Variants in SCN11A observed in about 807,000 individuals in gnomAD.
The protein encoded by SCN11A is sodium channel protein type 11 subunit alpha.
SCN11A carries 122 observed loss-of-function variants against 162.2 expected under a neutral mutation model. That is an observed-to-expected ratio of 0.75 (90% confidence interval 0.65 to 0.87). The LOEUF (loss-of-function observed/expected upper bound fraction) is 0.87, where lower values mean the gene tolerates loss of function less well. Among genes scored for constraint, SCN11A ranks in the 40% least tolerant of loss-of-function variants. SCN11A has a pLI of 0.00. For synonymous variants in SCN11A, 758 were observed against 751.5 expected (o/e 1.01, Z -0.14); for missense variants, 2,015 against 2,181.6 (o/e 0.92, Z 1.52).
At chr3:39,018,544 C>T (rs1016200527) in intron 2 of SCN11A, among the ~76,000 whole-genome samples, 4 of 152,062 alleles carry the variant, frequency 2.6e-5, no homozygotes, top group African/African-American at 7.2e-5. Flanking sequence ...TTGGGCCAGG[C>T]GCGGTGGCTC....
chr3:39,012,281 C>T (rs1421667462), intron 2 of SCN11A, among the ~76,000 whole-genome samples: 6 of 151,890 alleles, frequency 4.0e-5, no homozygotes, highest in South Asian at 2.1e-4. Flanking sequence ...GTCGAGATTA[C>T]GCCATTGCAC....
At chr3:38,881,895 T>A (rs573885069) in intron 22 of SCN11A, among the ~76,000 whole-genome samples, 2 of 152,288 alleles carry the variant, frequency 1.3e-5, no homozygotes, top group South Asian at 4.1e-4. Context: ...TTTCTGATCA[T>A]ACATTTTCTT....
intron 7 of SCN11A, among the ~76,000 whole-genome samples, chr3:38,927,692 C>T (rs1347376912): frequency 6.6e-6 from 1 of 152,142 alleles, no homozygotes; most frequent in East Asian, 1.9e-4. Context: ...CAAACATGTC[C>T]TTCTTCATAC....
intron 3 of SCN11A, among the ~76,000 whole-genome samples, chr3:38,958,027 G>A (rs2066702538): frequency 6.6e-6 from 1 of 152,172 alleles, no homozygotes; most frequent in African/African-American, 2.4e-5. Flanking sequence ...AATAGGCAAC[G>A]TAGTGTGAAA....
At position 38,932,290 on chromosome 3, in the gene SCN11A, C is replaced by T. The variant is rs112464260; in HGVS notation, c.489-5359G>A. Among the ~76,000 whole-genome samples the T allele has an allele frequency of 5.9e-3, 896 of 152,274 alleles. 8 individuals are homozygous for T. The highest frequency in any genetic ancestry group is 0.021 in the African/African-American group (853 of 41,542). Reference sequence around the variant, plus strand: ...TCCAGTCTACAGCTCCCAGCGTGAGCGACGCAGAAGATGGGTGATTTCTGC... The same window carrying T: ...TCCAGTCTACAGCTCCCAGCGTGAGTGACGCAGAAGATGGGTGATTTCTGC... On this transcript the variant is annotated intron_variant, in intron 7 of 29. Coordinates refer to ENST00000302328, the MANE Select transcript of SCN11A (RefSeq NM_001349253.2).
chr3:38,974,694 C>CAAA (rs773028321), intron 2 of SCN11A, among the ~76,000 whole-genome samples: 2 of 48,130 alleles, frequency 4.2e-5, no homozygotes, highest in Admixed American at 2.5e-4. Context: ...GACTCCGTCT[C>CAAA]AAAAAAAAAA....
At position 38,897,035 on chromosome 3, in the gene SCN11A, G is replaced by A. The variant is rs140995438; in HGVS notation, c.2213C>T (p.Pro738Leu). The A allele has an allele frequency of 3.0e-4, 490 of 1,614,030 alleles. 3 individuals are homozygous for A. The African/African-American group carries it at 5.9e-3, about 19-fold the overall frequency. Residue 738 changes from proline to leucine, a missense_variant, in exon 18 of 30, where the codon CCG becomes CTG. Physicochemically the swap from Pro to Leu is moderately conservative, Grantham distance 98. Coordinates refer to ENST00000302328, the MANE Select transcript of SCN11A (RefSeq NM_001349253.2). The stretch of plus-strand genomic sequence containing the variant: ...TAAACATGAGACTGTCGGGCCTGTC[G>A]GGTTACAGAGTTTTGGACTCTTTTG... ...NSQKSPKLCN[P>L]TGPTVSCLRH...
At chr3:38,951,800 G>A (rs375137337) in intron 4 of SCN11A, among the ~76,000 whole-genome samples, 1 of 152,026 alleles carries the variant, frequency 6.6e-6, no homozygotes, top group Admixed American at 6.5e-5. Flanking sequence ...TGATGGGGAC[G>A]TGGAGAACCT....
chr3:38,957,527 G>A (rs565781763), intron 3 of SCN11A, among the ~76,000 whole-genome samples: 78 of 152,240 alleles, frequency 5.1e-4, no homozygotes, highest in African/African-American at 1.7e-3. Flanking sequence ...GGCCACATGC[G>A]GGTTACGACT....
chr3:38,881,491 G>C (rs577496558), intron 22 of SCN11A, among the ~76,000 whole-genome samples: 23 of 152,292 alleles, frequency 1.5e-4, no homozygotes, highest in African/African-American at 5.3e-4. Context: ...GCTTATACCT[G>C]CAATTGAGCT....
intron 18 of SCN11A, among the ~76,000 whole-genome samples, chr3:38,895,482 A>C (rs764877117): frequency 3.3e-5 from 5 of 152,214 alleles, no homozygotes; most frequent in Non-Finnish European, 5.9e-5. Flanking sequence ...TGGACCAAAT[A>C]TGCAACTCTT....
intron 2 of SCN11A, among the ~76,000 whole-genome samples, chr3:38,998,681 G>C (rs1221205222): frequency 6.6e-6 from 1 of 152,040 alleles, no homozygotes; most frequent in Non-Finnish European, 1.5e-5. Flanking sequence ...TGATAGACTG[G>C]ATTAAGAAAA....
intron 12 of SCN11A, 104 bp from the exon 13 acceptor site, chr3:38,909,298 C>T (rs2065851644): frequency 9.6e-7 from 1 of 1,038,808 alleles, no homozygotes; most frequent in African/African-American, 1.6e-5. Flanking sequence ...TGGTCTTCCC[C>T]CAGCACTGGT....
intron 7 of SCN11A, among the ~76,000 whole-genome samples, chr3:38,940,553 G>A (rs1390264350): frequency 1.3e-5 from 2 of 152,200 alleles, no homozygotes; most frequent in African/African-American, 4.8e-5. Flanking sequence ...TCACATCAGA[G>A]GATAAGAGGT....
chr3:38,926,672 C>T, intron 8 of SCN11A, 131 bp downstream of exon 8: 1 of 928,256 alleles, frequency 1.1e-6, no homozygotes, highest in Non-Finnish European at 1.6e-6. Context: ...CCAACCAACA[C>T]AGCACTCAGA....
Position 38,926,794 on chromosome 3 carries a change from T to C in SCN11A, c.617+9A>G, listed in dbSNP as rs762519903. ...CAAGTCTCTTCAAAAACATCTTTAA[T>C]ATTCTTACGCTATTCCAATGACAAT... On this transcript the variant is annotated intron_variant, in intron 8 of 29. Coordinates refer to ENST00000302328, the MANE Select transcript of SCN11A (RefSeq NM_001349253.2). The C allele has an allele frequency of 5.0e-6, 8 of 1,611,460 alleles. No homozygotes were observed. In the South Asian group the frequency reaches 5.5e-5, roughly 11 times the overall value.
At chr3:38,906,429 T>C (rs888742906) in intron 14 of SCN11A, among the ~76,000 whole-genome samples, 4 of 152,118 alleles carry the variant, frequency 2.6e-5, no homozygotes, top group Middle Eastern at 3.2e-3. Flanking sequence ...ATCTGGAAAT[T>C]GGCACATTCA....
At chr3:38,916,161 TTTTCCTCCA>T (rs550386302) in intron 11 of SCN11A, among the ~76,000 whole-genome samples, 190 of 152,348 alleles carry the variant, frequency 1.2e-3, no homozygotes, top group African/African-American at 4.3e-3. Context: ...GCTTGGTATA[TTTTCCTCCA>T]TTTCTTTTAT....
intron 2 of SCN11A, among the ~76,000 whole-genome samples, chr3:38,966,242 A>G (rs778226636): frequency 1.3e-5 from 2 of 152,156 alleles, no homozygotes; most frequent in Non-Finnish European, 2.9e-5. Context: ...TCCTCCCTAG[A>G]ATGGCTTCCT....
Sources: gnomAD v4.1 joint callset for allele counts (sites outside exome capture counted in the v4.1 genomes callset) on GRCh38, gnomAD v4.1.1 for gene constraint, MANE v1.5 for transcripts, NCBI Gene and HGNC (gene_info 2026-07-23, HGNC 2026-07-21) for gene names.